ITPR3: variants seen among roughly 807,000 people sequenced by gnomAD.
The protein encoded by ITPR3 is inositol 1,4,5-trisphosphate receptor type 3.
A neutral mutation model predicts 293.2 loss-of-function variants in ITPR3; 173 were observed. The observed-to-expected ratio is 0.59, with a 90% confidence interval of 0.52 to 0.67. The LOEUF is 0.67. ITPR3 is among the 30% of genes least tolerant of loss of function. The probability of loss-of-function intolerance (pLI) is 0.00; values close to 1 mark genes in which losing one functional copy is unlikely to be tolerated. For missense variants in ITPR3, 2,796 were observed against 3,592.1 expected, an observed-to-expected ratio of 0.78 and a Z score of 5.66; for synonymous variants, 1,295 against 1,444.4, an observed-to-expected ratio of 0.90 and a Z score of 2.35.
intron 49 of ITPR3, 67 bp downstream of exon 49, chr6:33,688,848 G>A: frequency 1.2e-6 from 2 of 1,606,180 alleles, no homozygotes; most frequent in Non-Finnish European, 1.7e-6. Context: ...GGTTGGGGCA[G>A]AGCCTTGAGG....
chr6:33,684,850 C>T lies in ITPR3; in HGVS notation c.5214C>T (p.Cys1738=), dbSNP rs1185327409. ...AGGAGGGGGCCACCAAGTTGGTATG[C>T]GACCTCATCACCAGCACCAAGAACG... is the stretch of plus-strand genomic sequence containing the variant. ...LDKEGATKLV[C]DLITSTKNEK... is the part of the protein sequence containing the mutation. The change falls in exon 39 of 58, where the codon TGC becomes TGT. Residue 1738 remains cysteine (C), a synonymous_variant. Coordinates refer to ENST00000605930, the MANE Select transcript of ITPR3 (RefSeq NM_002224.4). The surrounding 1 kb of genome is among the most constrained non-coding windows in gnomAD (Gnocchi z 4.2). 3.7e-6 allele frequency: 6 copies of T among 1,613,950 alleles called. No homozygotes were observed. In the South Asian group the frequency reaches 4.4e-5, roughly 12 times the overall value.
intron 56 of ITPR3, 111 bp from the exon 57 acceptor site, chr6:33,694,813 G>C (rs937386500): frequency 7.5e-7 from 1 of 1,341,220 alleles, no homozygotes. Context: ...TCCCTGACGA[G>C]TAGTTTTGTT....
intron 33 of ITPR3, among the ~76,000 whole-genome samples, chr6:33,681,779 G>A (rs955759544): frequency 1.3e-5 from 2 of 152,174 alleles, no homozygotes; most frequent in African/African-American, 4.8e-5. Context: ...TGGGCCCTGG[G>A]ATCGCATTGG....
intron 8 of ITPR3, 87 bp from the exon 9 acceptor site, chr6:33,662,824 C>A: frequency 6.7e-7 from 1 of 1,493,618 alleles, no homozygotes; most frequent in Non-Finnish European, 9.1e-7. Flanking sequence ...AGAACCCACC[C>A]ACCCAGAGAT....
rs1369526790 is a variant in ITPR3 at position 33,688,264 on chromosome 6, A to G, written c.6401A>G (p.Glu2134Gly). The G allele has an allele frequency of 1.2e-6, 2 of 1,614,012 alleles. No individual in the cohort carries two copies. The highest frequency in any genetic ancestry group is 1.7e-6 in the Non-Finnish European group (2 of 1,180,018). Residue 2134 changes from glutamate to glycine, a missense_variant, in exon 48 of 58, where the codon GAG (glutamate) becomes GGG (glycine). Physicochemically the swap from Glu to Gly is moderately conservative, Grantham distance 98. This residue lies in a region of ITPR3 where 568 missense variants were observed against 796.1 expected (regional missense o/e 0.71). Coordinates refer to ENST00000605930, the MANE Select transcript of ITPR3 (RefSeq NM_002224.4). The part of the protein sequence containing the change: ...IEIVRQDRSM[E>G]QIVFPVPGIC... ...ATTGTGCGGCAGGACCGCAGCATGG[A>G]GCAGATCGTGTTCCCAGTGCCCGGC...
Position 33,689,738 on chromosome 6 carries a change from A to G in ITPR3, c.6868-296A>G, listed in dbSNP as rs149851130. ...GACGTGAAGATTCATACATAATGAC[A>G]ATCTCCTGACAGATGGAAATAAAGT... On this transcript the variant is annotated intron_variant, in intron 50 of 57. Transcript: ENST00000605930. Among the ~76,000 whole-genome samples the G allele has an allele frequency of 2.1e-3, 314 of 152,326 alleles. 1 individual carries two copies. Among genetic ancestry groups the G allele is most frequent in the African/African-American group, 7.3e-3 (305 of 41,556 alleles).
At chr6:33,641,849 C>G (rs1763960856) in intron 2 of ITPR3, among the ~76,000 whole-genome samples, 1 of 152,204 alleles carries the variant, frequency 6.6e-6, no homozygotes, top group Non-Finnish European at 1.5e-5. Context: ...TTCAGCGAGG[C>G]CTTCCCTGAC....
intron 1 of ITPR3, among the ~76,000 whole-genome samples, chr6:33,630,084 C>T (rs1561848372): frequency 6.6e-6 from 1 of 151,732 alleles, no homozygotes; most frequent in Non-Finnish European, 1.5e-5. Flanking sequence ...AGTGAGACTC[C>T]GTCAAAAAAA....
At position 33,670,132 on chromosome 6, in the gene ITPR3, G is replaced by A. The variant is rs1764716626; in HGVS notation, c.2190-193G>A. On this transcript the variant is annotated intron_variant, in intron 18 of 57. Coordinates refer to ENST00000605930, the MANE Select transcript of ITPR3 (RefSeq NM_002224.4). The surrounding 1 kb of genome is among the most constrained non-coding windows in gnomAD (Gnocchi z 6.7). ...CCTGTCCTGGCTGAGCCTTAGCCAGGAGGGGGAGAATTGCAAGTACTGGTT... is the reference window on the plus strand; with the variant it reads ...CCTGTCCTGGCTGAGCCTTAGCCAGAAGGGGGAGAATTGCAAGTACTGGTT... 6.6e-6 allele frequency among the ~76,000 whole-genome samples: 1 copy of A among 152,324 alleles called. No homozygotes were observed. Among genetic ancestry groups the A allele is most frequent in the South Asian group, 2.1e-4 (1 of 4,822 alleles).
rs1375403044 is a variant in ITPR3 at position 33,677,500 on chromosome 6, G to T, written c.3523-4G>T. 80 of 1,613,694 alleles carry T rather than the reference G, an allele frequency of 5.0e-5. No individual in the cohort carries two copies. The highest frequency in any genetic ancestry group is 6.6e-5 in the Non-Finnish European group (78 of 1,179,856). On this transcript the variant is annotated splice_polypyrimidine_tract_variant and splice_region_variant and intron_variant, in intron 27 of 57. Coordinates refer to ENST00000605930, the MANE Select transcript of ITPR3 (RefSeq NM_002224.4). Reference sequence around the variant, plus strand: ...GGGCTCTGGCTCACCCGCCTCCCCTGCAGATCCTGGAAAGGCTGAACAAGA... The same window carrying T: ...GGGCTCTGGCTCACCCGCCTCCCCTTCAGATCCTGGAAAGGCTGAACAAGA...
Position 33,679,244 on chromosome 6 carries a change from A to G in ITPR3, c.3972+405A>G, listed in dbSNP as rs894953230. ...GGCAGGGACCCCATCCTTTGTGTGC[A>G]TCGCCAGGGCCCCAGTGTGTGGCGC... On this transcript the variant is annotated intron_variant, in intron 30 of 57. Transcript: ENST00000605930. This position sits in a 1 kb window ranked among gnomAD's most constrained non-coding sequence, Gnocchi z 4.2. 6.6e-6 allele frequency among the ~76,000 whole-genome samples: 1 copy of G among 152,190 alleles called. No homozygotes were observed. Among genetic ancestry groups the G allele is most frequent in the Non-Finnish European group, 1.5e-5 (1 of 68,038 alleles).
chr6:33,663,105 C>A, intron 9 of ITPR3, 99 bp downstream of exon 9: 1 of 984,088 alleles, frequency 1.0e-6, no homozygotes, highest in Non-Finnish European at 1.6e-6. Flanking sequence ...GGCACATGTG[C>A]CTATGGACCC....
Position 33,621,716 on chromosome 6 carries a change from G to C in ITPR3, c.89+25G>C. 6.4e-7 allele frequency: 1 copy of C among 1,570,912 alleles called. No individual in the cohort carries two copies. Among genetic ancestry groups the C allele is most frequent in the Non-Finnish European group, 8.7e-7 (1 of 1,154,222 alleles). ...GGTGAGTGAGCCGAGCTCGAGAGGG[G>C]CGCGGGTAAAGAGGGGGCGCCGTGG... On this transcript the variant is annotated intron_variant, in intron 1 of 57. Coordinates refer to ENST00000605930, the MANE Select transcript of ITPR3 (RefSeq NM_002224.4). The surrounding 1 kb of genome is among the most constrained non-coding windows in gnomAD (Gnocchi z 7.7).
Position 33,674,194 on chromosome 6 carries a change from C to G in ITPR3, c.3059-14C>G. ...GGGCCTACAATCTGCTTCCATCTGC[C>G]CCTCTCCCCACAGCTGCCAACATGA... On this transcript the variant is annotated splice_polypyrimidine_tract_variant and intron_variant, in intron 23 of 57. Coordinates refer to ENST00000605930, the MANE Select transcript of ITPR3 (RefSeq NM_002224.4). 1 of 1,613,964 alleles carries G rather than the reference C, an allele frequency of 6.2e-7. No individual in the cohort carries two copies. Among genetic ancestry groups the G allele is most frequent in the South Asian group, 1.1e-5 (1 of 91,026 alleles).
At position 33,668,601 on chromosome 6, in the gene ITPR3, A is replaced by G. The variant is rs1247580748; in HGVS notation, c.1973A>G (p.Asp658Gly). Residue 658 changes from aspartate to glycine, a missense_variant, in exon 17 of 58, where the codon GAC becomes GGC. Around this residue, in one of 8 missense-constraint regions of ITPR3, gnomAD observed 955 missense variants for 1,180.8 expected, o/e 0.81. Transcript: ENST00000605930. Reference sequence around the variant, plus strand: ...GAGCTCATCTGCAAGTGTGTGCTGGACCCCAAGAACAGTGACATTCTCATC... The same window carrying G: ...GAGCTCATCTGCAAGTGTGTGCTGGGCCCCAAGAACAGTGACATTCTCATC... ...TQELICKCVL[D>G]PKNSDILIRT... The G allele has an allele frequency of 3.1e-6, 5 of 1,614,058 alleles. No individual in the cohort carries two copies. The highest frequency in any genetic ancestry group is 3.4e-6 in the Non-Finnish European group (4 of 1,179,994).
intron 7 of ITPR3, among the ~76,000 whole-genome samples, chr6:33,661,368 AGGCCCTGGAACTG>A (rs1341029731): frequency 2.0e-5 from 3 of 152,210 alleles, no homozygotes; most frequent in Non-Finnish European, 4.4e-5. Context: ...ATTAAGGTGC[AGGCCCTGGAACTG>A]GGCCAAAGAT....
intron 2 of ITPR3, 27 bp downstream of exon 2, chr6:33,640,581 GC>G: frequency 1.9e-6 from 3 of 1,578,002 alleles, no homozygotes; most frequent in Non-Finnish European, 1.7e-6. Context: ...CTCTGCCCCC[GC>G]CCCTCCCAGG....
chr6:33,681,376 C>T (rs1263571636), intron 33 of ITPR3, among the ~76,000 whole-genome samples: 1 of 152,206 alleles, frequency 6.6e-6, no homozygotes, highest in African/African-American at 2.4e-5. Context: ...CAGGATCCTT[C>T]GTGCTGGCTA....
intron 24 of ITPR3, among the ~76,000 whole-genome samples, chr6:33,674,835 T>C (rs752056852): frequency 6.6e-6 from 1 of 152,236 alleles, no homozygotes; most frequent in Non-Finnish European, 1.5e-5. Context: ...TCTTTACTAA[T>C]ACGTAAAGTA....
Sources: gnomAD v4.1 joint callset for allele counts (sites outside exome capture counted in the v4.1 genomes callset) on GRCh38, gnomAD v4.1.1 for gene constraint, gnomAD v4.1.1 regional missense constraint, Gnocchi (gnomAD v3.1) non-coding constraint, MANE v1.5 for transcripts, NCBI Gene and HGNC (gene_info 2026-07-23, HGNC 2026-07-21) for gene names.